EML4: variants seen among roughly 807,000 people sequenced by gnomAD.
EML4 encodes EMAP like 4, also known as echinoderm microtubule-associated protein-like 4.
EML4 carries 72 observed loss-of-function variants against 129.0 expected under a neutral mutation model. That is an observed-to-expected ratio of 0.56 (90% CI 0.46 to 0.68). EML4 has a LOEUF of 0.68. EML4 is among the 30% of genes least tolerant of loss of function. The pLI is 0.00. For missense variants in EML4, 1,363 were observed against 1,190.6 expected (o/e 1.14, Z -2.13); for synonymous variants, 532 against 405.0 (o/e 1.31, Z -3.77).
intron 1 of EML4, among the ~76,000 whole-genome samples, chr2:42,173,356 T>A (rs987894752): frequency 1.3e-5 from 2 of 152,116 alleles, no homozygotes; most frequent in Non-Finnish European, 2.9e-5. Flanking sequence ...CAAGATAGAC[T>A]CAAGTTGTGT....
At position 42,288,289 on chromosome 2, in the gene EML4, C is replaced by A. The variant is rs767752622; in HGVS notation, c.1185C>A (p.Asp395Glu). The change falls in exon 11 of 23, where the codon GAC becomes GAA. Residue 395 changes from aspartate to glutamate, a missense_variant. Coordinates refer to ENST00000318522, the MANE Select transcript of EML4 (RefSeq NM_019063.5). ...ATGAGCATATGCTTACTGTATGGGACTGGCAGAAGAAAGCAAAAGGAGCAG... is the reference window on the plus strand; with the variant it reads ...ATGAGCATATGCTTACTGTATGGGAATGGCAGAAGAAAGCAAAAGGAGCAG... ...DSNEHMLTVW[D>E]WQKKAKGAEI... 55 of 1,575,148 alleles carry A rather than the reference C, an allele frequency of 3.5e-5. No homozygotes were observed. In the South Asian group the frequency reaches 5.9e-4, roughly 17 times the overall value.
chr2:42,248,613 GAACC>G (rs777299501), intron 2 of EML4, among the ~76,000 whole-genome samples: 126 of 152,060 alleles, frequency 8.3e-4, no homozygotes, highest in Non-Finnish European at 1.4e-3. Context: ...TGGAGCCACA[GAACC>G]ATCTCTGTGG....
chr2:42,288,504 G>A (rs1385004967), intron 11 of EML4, 182 bp downstream of exon 11: 1 of 354,738 alleles, frequency 2.8e-6, no homozygotes, highest in African/African-American at 2.1e-5. Flanking sequence ...AGTTATACAA[G>A]ATAAAATAGT....
intron 13 of EML4, among the ~76,000 whole-genome samples, chr2:42,296,201 A>G (rs1015027658): frequency 1.3e-5 from 2 of 152,156 alleles, no homozygotes; most frequent in Non-Finnish European, 2.9e-5. Flanking sequence ...CTTCCTTCAG[A>G]GTAGGAGGTT....
In EML4 at chr2:42,330,055, G is replaced by C; in HGVS notation, c.2794G>C (p.Glu932Gln). ...GGAGAACAGCCTGGAACAAACTGTG[G>C]AGCCAAGTGAAGACCACAGCGAGGA... ...LLENSLEQTV[E>Q]PSEDHSEEES... The change falls in exon 23 of 23, where the codon GAG (glutamate) becomes CAG (glutamine). Residue 932 changes from glutamate to glutamine, a missense_variant. Coordinates refer to ENST00000318522, the MANE Select transcript of EML4 (RefSeq NM_019063.5). The C allele has an allele frequency of 6.2e-7, 1 of 1,613,324 alleles. No homozygotes were observed. The highest frequency in any genetic ancestry group is 1.3e-5 in the African/African-American group (1 of 74,700).
At chr2:42,252,889 ATC>A (rs1051962624) in intron 2 of EML4, among the ~76,000 whole-genome samples, 2 of 152,106 alleles carry the variant, frequency 1.3e-5, no homozygotes, top group Admixed American at 6.6e-5. Context: ...CTCCATTGAT[ATC>A]TCTCTGTTAC....
chr2:42,223,909 C>G (rs1673780400), intron 1 of EML4, among the ~76,000 whole-genome samples: 1 of 152,146 alleles, frequency 6.6e-6, no homozygotes, highest in African/African-American at 2.4e-5. Context: ...TTTTCACATA[C>G]TAATAATACC....
chr2:42,183,824 T>G (rs535920366), intron 1 of EML4, among the ~76,000 whole-genome samples: 1 of 152,292 alleles, frequency 6.6e-6, no homozygotes, highest in South Asian at 2.1e-4. Context: ...GGTCACTGTT[T>G]ATCAATCTGG....
intron 13 of EML4, among the ~76,000 whole-genome samples, chr2:42,295,839 T>C (rs1417503111): frequency 6.6e-6 from 1 of 152,200 alleles, no homozygotes; most frequent in East Asian, 1.9e-4. Context: ...GGGATATCTG[T>C]TAGAGCAGAA....
intron 20 of EML4, among the ~76,000 whole-genome samples, 163 bp downstream of exon 20, chr2:42,325,717 C>T (rs966297518): frequency 3.4e-5 from 5 of 148,514 alleles, no homozygotes; most frequent in African/African-American, 1.2e-4. Flanking sequence ...TTGCCAACCT[C>T]TTTAACCTGA....
chr2:42,286,336 G>C lies in EML4; in HGVS notation c.1079G>C (p.Gly360Ala), dbSNP rs1310944489. 6.2e-7 allele frequency: 1 copy of C among 1,613,788 alleles called. No homozygotes were observed. Among genetic ancestry groups the C allele is most frequent in the African/African-American group, 1.3e-5 (1 of 74,910 alleles). The change falls in exon 10 of 23, where the codon GGC (glycine) becomes GCC (alanine). Residue 360 changes from glycine (G) to alanine (A), a missense_variant. By Grantham distance (60) the Gly-to-Ala change is moderately conservative (BLOSUM62 0). Transcript: ENST00000318522. ...TLSTLQIIGL[G>A]TFERGVGCLD... ...TCCACACTGCAGATTATTGGACTTG[G>C]CACTTTTGAGCGTGGAGTAGGATGC...
intron 6 of EML4, among the ~76,000 whole-genome samples, chr2:42,270,598 C>G (rs1467348040): frequency 1.3e-5 from 2 of 152,238 alleles, no homozygotes; most frequent in East Asian, 3.9e-4. Context: ...GAAAGAATAG[C>G]TAAAATTTAT....
chr2:42,214,994 C>T (rs983118548), intron 1 of EML4, among the ~76,000 whole-genome samples: 8 of 152,094 alleles, frequency 5.3e-5, no homozygotes, highest in African/African-American at 1.7e-4. Flanking sequence ...TACTGGTAGG[C>T]GTGTTTCATT....
chr2:42,210,847 T>G (rs1672847459), intron 1 of EML4, among the ~76,000 whole-genome samples: 1 of 152,198 alleles, frequency 6.6e-6, no homozygotes, highest in Admixed American at 6.5e-5. Context: ...ATAGAATAAT[T>G]TAGTTTTTAG....
rs1357969946 is a variant in EML4 at position 42,169,402 on chromosome 2, C to T, written c.-210C>T. 3 of 391,382 alleles carry T rather than the reference C, an allele frequency of 7.7e-6. No homozygotes were observed. Among genetic ancestry groups the T allele is most frequent in the Non-Finnish European group, 1.4e-5 (3 of 221,758 alleles). 24.2% of individuals were successfully genotyped at this position (391,382 alleles called of 1,614,324 possible). ...GAGGGAGGCCGGGCAGGCGGCTGAG[C>T]GGCGCGGCTCTCAACGTGACGGGGA... On this transcript the variant is annotated 5_prime_UTR_variant, in exon 1 of 23. Coordinates refer to ENST00000318522, the MANE Select transcript of EML4 (RefSeq NM_019063.5).
intron 2 of EML4, among the ~76,000 whole-genome samples, chr2:42,252,893 C>G (rs1175572946): frequency 6.6e-6 from 1 of 152,134 alleles, no homozygotes; most frequent in African/African-American, 2.4e-5. Context: ...ATTGATATCT[C>G]TCTGTTACTG....
Position 42,169,428 on chromosome 2 carries a change from A to C in EML4, c.-184A>C. The C allele has an allele frequency of 1.2e-5, 6 of 514,326 alleles. No homozygotes were observed. Among genetic ancestry groups the C allele is most frequent in the Non-Finnish European group, 2.0e-5 (6 of 299,556 alleles). 31.9% of individuals were successfully genotyped at this position (514,326 alleles called of 1,614,324 possible). On this transcript the variant is annotated 5_prime_UTR_variant, in exon 1 of 23. Transcript: ENST00000318522. ...GGCGCGGCTCTCAACGTGACGGGGA[A>C]GTGGTTCGGGCGGCCGCGGCTTACT...
At chr2:42,202,276 C>T (rs1415244806) in intron 1 of EML4, among the ~76,000 whole-genome samples, 2 of 152,016 alleles carry the variant, frequency 1.3e-5, no homozygotes, top group African/African-American at 4.8e-5. Context: ...TGCAGTGGCT[C>T]ACACCTATAA....
chr2:42,249,214 ATTATC>A (rs1251878781), intron 2 of EML4, among the ~76,000 whole-genome samples: 8 of 152,170 alleles, frequency 5.3e-5, no homozygotes, highest in African/African-American at 1.9e-4. Flanking sequence ...TAAAAATGAA[ATTATC>A]TTGTAGGGAT....
Sources: gnomAD v4.1 joint callset for allele counts (sites outside exome capture counted in the v4.1 genomes callset) on GRCh38, gnomAD v4.1.1 for gene constraint, MANE v1.5 for transcripts, NCBI Gene and HGNC (gene_info 2026-07-23, HGNC 2026-07-21) for gene names.